DLC1: variants seen among roughly 807,000 people sequenced by gnomAD.
The protein encoded by DLC1 is DLC1 Rho GTPase activating protein.
DLC1 carries 54 observed loss-of-function variants against 140.3 expected under a neutral mutation model. That is an observed-to-expected ratio of 0.38 (90% confidence interval 0.31 to 0.48). The LOEUF (loss-of-function observed/expected upper bound fraction) is 0.48. Ranked by LOEUF, DLC1 falls within the 20% of genes least tolerant of loss-of-function variation. DLC1 has a pLI of 0.96. For missense variants in DLC1, 2,536 were observed against 1,907.0 expected (o/e 1.33, Z -6.14); for synonymous variants, 986 against 728.1 (o/e 1.35, Z -5.70).
At chr8:13,183,444 C>T (rs989338826) in intron 5 of DLC1, among the ~76,000 whole-genome samples, 1 of 152,286 alleles carries the variant, frequency 6.6e-6, no homozygotes, top group South Asian at 2.1e-4. Flanking sequence ...ATGATATTGG[C>T]TGTGGGTTTG....
At chr8:13,180,467 A>C (rs1270347664) in intron 5 of DLC1, among the ~76,000 whole-genome samples, 1 of 152,224 alleles carries the variant, frequency 6.6e-6, no homozygotes, top group Non-Finnish European at 1.5e-5. Context: ...TCAAAAGGTT[A>C]GTTCTTATAA....
intron 2 of DLC1, among the ~76,000 whole-genome samples, chr8:13,482,108 A>T (rs1056417673): frequency 1.3e-5 from 2 of 152,196 alleles, no homozygotes; most frequent in African/African-American, 4.8e-5. Context: ...TCTTTTAAGC[A>T]TGCAATTTAA....
chr8:13,315,141 G>T (rs915907251), intron 4 of DLC1, among the ~76,000 whole-genome samples: 1 of 152,192 alleles, frequency 6.6e-6, no homozygotes, highest in African/African-American at 2.4e-5. Flanking sequence ...ATGGCCTGGT[G>T]CAGTAGCTCA....
intron 7 of DLC1, among the ~76,000 whole-genome samples, chr8:13,105,320 T>G (rs745312750): frequency 4.7e-4 from 72 of 152,328 alleles, no homozygotes; most frequent in Non-Finnish European, 8.1e-4. Context: ...TGTACTCTGC[T>G]GGGACCTTAT....
chr8:13,209,859 C>A (rs575028057), intron 5 of DLC1, among the ~76,000 whole-genome samples: 22 of 152,216 alleles, frequency 1.4e-4, no homozygotes, highest in African/African-American at 5.1e-4. Flanking sequence ...GTACAGCCTG[C>A]AGAACCAGGA....
At chr8:13,217,724 G>C (rs948164489) in intron 5 of DLC1, among the ~76,000 whole-genome samples, 1 of 151,926 alleles carries the variant, frequency 6.6e-6, no homozygotes, top group Non-Finnish European at 1.5e-5. Context: ...TGTAGTCCCA[G>C]CTACTTGGGA....
At chr8:13,174,416 T>C (rs577142357) in intron 5 of DLC1, among the ~76,000 whole-genome samples, 1 of 152,292 alleles carries the variant, frequency 6.6e-6, no homozygotes, top group African/African-American at 2.4e-5. Flanking sequence ...GTAGTTCTAT[T>C]TTTAGTTCTT....
At chr8:13,153,874 C>G (rs1382403969) in intron 5 of DLC1, among the ~76,000 whole-genome samples, 1 of 152,094 alleles carries the variant, frequency 6.6e-6, no homozygotes, top group Non-Finnish European at 1.5e-5. Context: ...GGTGTATTTA[C>G]AGTCCTTTAG....
At chr8:13,370,990 G>T (rs1237912967) in intron 4 of DLC1, among the ~76,000 whole-genome samples, 1 of 152,076 alleles carries the variant, frequency 6.6e-6, no homozygotes. Context: ...CTATTCTTGA[G>T]GGTAGCCCTG....
intron 5 of DLC1, among the ~76,000 whole-genome samples, chr8:13,261,141 C>T (rs1563205866): frequency 6.6e-6 from 1 of 152,174 alleles, no homozygotes; most frequent in Admixed American, 6.5e-5. Context: ...ACTAAACAAA[C>T]ACATGTAACA....
At chr8:13,286,184 C>G (rs1831529036) in intron 5 of DLC1, among the ~76,000 whole-genome samples, 1 of 152,044 alleles carries the variant, frequency 6.6e-6, no homozygotes. Context: ...AATCTGATAT[C>G]AGGAAAAATT....
At chr8:13,492,627 C>G (rs1240100705) in intron 2 of DLC1, among the ~76,000 whole-genome samples, 1 of 151,946 alleles carries the variant, frequency 6.6e-6, no homozygotes, top group African/African-American at 2.4e-5. Context: ...ATTTCAGTGA[C>G]TAGATGCTTT....
chr8:13,573,124 T>G (rs1804721501), intron 1 of DLC1, among the ~76,000 whole-genome samples: 1 of 152,234 alleles, frequency 6.6e-6, no homozygotes, highest in Non-Finnish European at 1.5e-5. Context: ...CTTTACGTCT[T>G]TTAAAAATTT....
intron 16 of DLC1, among the ~76,000 whole-genome samples, chr8:13,087,273 ATGCCTGC>A (rs1817644246): frequency 6.6e-6 from 1 of 152,184 alleles, no homozygotes; most frequent in Non-Finnish European, 1.5e-5. Context: ...GTGATGGCAC[ATGCCTGC>A]AGTCCCAACT....
At chr8:13,441,427 T>A (rs1403369127) in intron 2 of DLC1, among the ~76,000 whole-genome samples, 17 of 152,228 alleles carry the variant, frequency 1.1e-4, no homozygotes, top group Non-Finnish European at 2.5e-4. Context: ...CTGTCCCTGT[T>A]TGCAGACAAC....
At chr8:13,424,308 G>A (rs2449081) in intron 2 of DLC1, among the ~76,000 whole-genome samples, 82,706 of 151,668 alleles carry the variant, frequency 0.55, 22,710 homozygotes, top group African/African-American at 0.56. Context: ...GGCCAACATG[G>A]TGAAACCCCA....
At chr8:13,152,821 G>GTAGAAAAAAAAA (rs1554451763) in intron 5 of DLC1, among the ~76,000 whole-genome samples, 1 of 6,362 alleles carries the variant, frequency 1.6e-4, no homozygotes, top group African/African-American at 3.2e-4. Flanking sequence ...TGTCTCTGGG[G>GTAGAAAAAAAAA]AAGAAAAAAA....
intron 4 of DLC1, among the ~76,000 whole-genome samples, chr8:13,361,655 T>C (rs749024530): frequency 6.6e-6 from 1 of 152,182 alleles, no homozygotes; most frequent in African/African-American, 2.4e-5. Flanking sequence ...CCTTTACATA[T>C]TATTATTTCC....
intron 5 of DLC1, among the ~76,000 whole-genome samples, chr8:13,216,526 A>G (rs1828206502): frequency 6.6e-6 from 1 of 151,722 alleles, no homozygotes; most frequent in African/African-American, 2.4e-5. Context: ...TGCCCATTTT[A>G]CCCCATCCCT....
Sources: allele counts gnomAD v4.1 joint callset (sites outside exome capture counted in the v4.1 genomes callset), GRCh38; gene constraint gnomAD v4.1.1; transcripts MANE v1.5; gene names NCBI Gene and HGNC (gene_info 2026-07-23, HGNC 2026-07-21).